RBP2: variants seen among roughly 807,000 people sequenced by gnomAD.
RBP2 encodes the protein retinol-binding protein 2.
RBP2 carries 17 observed loss-of-function variants against 17.0 expected under a neutral mutation model. The observed-to-expected ratio is 1.00, with a 90% CI of 0.68 to 1.50. The LOEUF (loss-of-function observed/expected upper bound fraction) is 1.50, where lower values mean the gene tolerates loss of function less well. RBP2 is among the 40% of genes most tolerant of loss of function. The pLI, the probability that RBP2 is intolerant of heterozygous loss-of-function variation, is 0.00. For missense variants in RBP2, 158 were observed against 168.2 expected, an observed-to-expected ratio of 0.94 and a Z score of 0.33; for synonymous variants, 48 against 57.1, an observed-to-expected ratio of 0.84 and a Z score of 0.72.
At position 139,462,210 on chromosome 3, in the gene RBP2, TC is replaced by T. The variant is rs1559805786; in HGVS notation, c.153del (p.Thr52GlnfsTer18). On this transcript the variant is annotated frameshift_variant, in exon 2 of 4. Transcript: ENST00000232217. LOFTEE classifies it high-confidence loss of function. ...KVIDQDGDNF[K>X]TKTTSTFRNY... ...TTGCGGAATGTGCTAGTGGTTTTTG[TC>T]TTGAAGTTATCACCATCTTGATCAA... The T allele has an allele frequency of 6.2e-7, 1 of 1,614,170 alleles. No individual in the cohort carries two copies. Among genetic ancestry groups the T allele is most frequent in the South Asian group, 1.1e-5 (1 of 91,084 alleles).
intron 3 of RBP2, among the ~76,000 whole-genome samples, chr3:139,454,042 T>G (rs1943355137): frequency 6.6e-6 from 1 of 152,188 alleles, no homozygotes; most frequent in Non-Finnish European, 1.5e-5. Context: ...GTGAGTGAAT[T>G]AATGAATGAA....
intron 1 of RBP2, among the ~76,000 whole-genome samples, chr3:139,471,346 C>T (rs3821544): frequency 0.27 from 41,319 of 152,090 alleles, 7,097 homozygotes; most frequent in East Asian, 0.86. Context: ...TGAGATTTTG[C>T]ACAAGACACA....
chr3:139,461,853 T>G (rs1338465805), intron 2 of RBP2, among the ~76,000 whole-genome samples: 6 of 152,298 alleles, frequency 3.9e-5, no homozygotes, highest in Non-Finnish European at 7.3e-5. Context: ...TCCCTCTGCC[T>G]GCCAGGCCCA....
chr3:139,468,384 C>T (rs552149286), intron 1 of RBP2, among the ~76,000 whole-genome samples: 1 of 152,324 alleles, frequency 6.6e-6, no homozygotes, highest in South Asian at 2.1e-4. Flanking sequence ...CTATTGCTGA[C>T]AGAACTGGTT....
chr3:139,475,771 T>C (rs1933718367), intron 1 of RBP2, among the ~76,000 whole-genome samples: 1 of 152,196 alleles, frequency 6.6e-6, no homozygotes. Flanking sequence ...CTATGTGTTT[T>C]CTGCCAGTTC....
intron 1 of RBP2, among the ~76,000 whole-genome samples, chr3:139,475,017 A>G (rs748999865): frequency 9.9e-5 from 15 of 152,080 alleles, no homozygotes; most frequent in Non-Finnish European, 1.9e-4. Context: ...CAGTGTTGGA[A>G]ACCAGTCTAA....
Position 139,475,456 on chromosome 3 carries a change from C to T in RBP2, c.73+931G>A, listed in dbSNP as rs1264018618. On this transcript the variant is annotated intron_variant, in intron 1 of 3. Transcript: ENST00000232217. Reference sequence around the variant, plus strand: ...GCTAGAAGTTTATCACACCAAAAAACTCATGATTTCCACTCTTGGAGAGAC... The same window carrying T: ...GCTAGAAGTTTATCACACCAAAAAATTCATGATTTCCACTCTTGGAGAGAC... Among the ~76,000 whole-genome samples, 6 of 151,020 alleles carry T rather than the reference C, an allele frequency of 4.0e-5. 1 individual carries two copies. Among genetic ancestry groups the T allele is most frequent in the Admixed American group, 4.0e-4 (6 of 15,162 alleles).
chr3:139,476,079 C>T (rs2278577), intron 1 of RBP2, among the ~76,000 whole-genome samples: 39,370 of 152,062 alleles, frequency 0.26, 8,336 homozygotes, highest in African/African-American at 0.59. Flanking sequence ...CTGTGTTATC[C>T]TCTCAAGTTT....
chr3:139,460,944 A>C (rs926794499), intron 2 of RBP2, among the ~76,000 whole-genome samples: 1 of 152,082 alleles, frequency 6.6e-6, no homozygotes, highest in African/African-American at 2.4e-5. Context: ...AGTCAATTGC[A>C]ACCATGAAAA....
At chr3:139,474,946 T>C (rs1009771246) in intron 1 of RBP2, among the ~76,000 whole-genome samples, 1 of 151,944 alleles carries the variant, frequency 6.6e-6, no homozygotes, top group Non-Finnish European at 1.5e-5. Context: ...GTCTCTTTCT[T>C]CCTCCTCCCA....
At chr3:139,466,875 C>T (rs1361707976) in intron 1 of RBP2, 1 of 152,188 alleles carries the variant, frequency 6.6e-6, no homozygotes, top group Non-Finnish European at 1.5e-5. Context: ...CACTCTTGTC[C>T]CAGCTTTCCA....
intron 2 of RBP2, among the ~76,000 whole-genome samples, chr3:139,458,654 TTC>T (rs1165963971): frequency 1.3e-5 from 2 of 152,100 alleles, no homozygotes; most frequent in Non-Finnish European, 2.9e-5. Flanking sequence ...GGCAACCACT[TTC>T]TCTCTCTATG....
chr3:139,462,894 C>A (rs1278448907), intron 1 of RBP2, among the ~76,000 whole-genome samples: 3 of 151,938 alleles, frequency 2.0e-5, no homozygotes, highest in Non-Finnish European at 4.4e-5. Context: ...AGTGCAGTGA[C>A]ATGATTTTGG....
intron 1 of RBP2, among the ~76,000 whole-genome samples, chr3:139,475,154 A>G (rs1933694674): frequency 1.3e-5 from 2 of 151,902 alleles, no homozygotes; most frequent in East Asian, 3.9e-4. Context: ...ATCCGTCTCT[A>G]TTAAAAATAC....
chr3:139,473,605 G>A (rs950741899), intron 1 of RBP2, among the ~76,000 whole-genome samples: 5 of 152,200 alleles, frequency 3.3e-5, no homozygotes, highest in African/African-American at 9.7e-5. Context: ...GGCAAGCTTC[G>A]TTGACATCTC....
At chr3:139,460,856 T>C (rs1933161857) in intron 2 of RBP2, among the ~76,000 whole-genome samples, 2 of 152,146 alleles carry the variant, frequency 1.3e-5, no homozygotes, top group Non-Finnish European at 2.9e-5. Flanking sequence ...AGTGGCTGAA[T>C]TGGCCCAGAG....
Position 139,457,047 on chromosome 3 carries a change from A to T in RBP2, c.253-2217T>A, listed in dbSNP as rs533275795. Among the ~76,000 whole-genome samples, 171 of 152,276 alleles carry T rather than the reference A, an allele frequency of 1.1e-3. 1 individual carries two copies. Among genetic ancestry groups the T allele is most frequent in the African/African-American group, 4.0e-3 (168 of 41,558 alleles). ...TGTCGTCTGTCCTCCTCACTCCCAGATTGCCTCACACATGATAGATACCTA... is the reference window on the plus strand; with the variant it reads ...TGTCGTCTGTCCTCCTCACTCCCAGTTTGCCTCACACATGATAGATACCTA... On this transcript the variant is annotated intron_variant, in intron 2 of 3. Coordinates refer to ENST00000232217, the MANE Select transcript of RBP2 (RefSeq NM_004164.3).
chr3:139,467,597 C>T (rs1933407834), intron 1 of RBP2, among the ~76,000 whole-genome samples: 1 of 152,150 alleles, frequency 6.6e-6, no homozygotes, highest in Non-Finnish European at 1.5e-5. Context: ...CTTCAGAGGA[C>T]TATTTACAGT....
At chr3:139,466,338 A>G (rs1933363090) in intron 1 of RBP2, 1 of 152,226 alleles carries the variant, frequency 6.6e-6, no homozygotes, top group South Asian at 2.1e-4. Flanking sequence ...TGGCCTTGCA[A>G]TCATACCTAT....
Sources: allele counts gnomAD v4.1 joint callset (sites outside exome capture counted in the v4.1 genomes callset), GRCh38; gene constraint gnomAD v4.1.1; transcripts MANE v1.5; gene names NCBI Gene and HGNC (gene_info 2026-07-23, HGNC 2026-07-21).